Variants in CRPPA observed in about 807,000 individuals in gnomAD.
CRPPA encodes the protein CDP-L-ribitol pyrophosphorylase A, also known as D-ribitol-5-phosphate cytidylyltransferase.
Under a neutral mutation model 52.0 loss-of-function variants are expected in CRPPA, and 43 were observed. The ratio of observed to expected loss-of-function variants is 0.83; its 90% CI spans 0.65 to 1.07. CRPPA has a LOEUF of 1.07. Ranked by LOEUF, CRPPA falls within the 50% of genes least tolerant of loss-of-function variation. The pLI, the probability that CRPPA is intolerant of heterozygous loss-of-function variation, is 0.00. For missense variants in CRPPA, 629 were observed against 551.7 expected (o/e 1.14, Z -1.40); for synonymous variants, 250 against 203.5 (o/e 1.23, Z -1.94).
intron 4 of CRPPA, among the ~76,000 whole-genome samples, chr7:16,304,129 G>C (rs898570837): frequency 6.6e-6 from 1 of 152,124 alleles, no homozygotes; most frequent in African/African-American, 2.4e-5. Flanking sequence ...AGGGACTCAA[G>C]TTGTTATGCA....
At chr7:16,384,856 A>G (rs1787212290) in intron 2 of CRPPA, among the ~76,000 whole-genome samples, 1 of 152,202 alleles carries the variant, frequency 6.6e-6, no homozygotes, top group Admixed American at 6.5e-5. Flanking sequence ...AGAAGGCCCC[A>G]CCCATATATC....
intron 2 of CRPPA, among the ~76,000 whole-genome samples, chr7:16,391,740 T>G (rs961766312): frequency 6.6e-5 from 10 of 152,158 alleles, no homozygotes; most frequent in African/African-American, 2.4e-4. Context: ...CCCTAGAATG[T>G]TCACTCCATG....
At chr7:16,253,930 T>C (rs761617225) in intron 8 of CRPPA, among the ~76,000 whole-genome samples, 3 of 151,836 alleles carry the variant, frequency 2.0e-5, no homozygotes, top group Non-Finnish European at 2.9e-5. Flanking sequence ...GGGCAAAGGA[T>C]AGGTACAGAC....
At chr7:16,209,864 A>T (rs1782083110) in intron 9 of CRPPA, among the ~76,000 whole-genome samples, 1 of 152,188 alleles carries the variant, frequency 6.6e-6, no homozygotes, top group African/African-American at 2.4e-5. Context: ...GTAACTTGAG[A>T]ATGGCCACAA....
intron 3 of CRPPA, among the ~76,000 whole-genome samples, chr7:16,373,961 G>C (rs1786814985): frequency 6.6e-6 from 1 of 152,136 alleles, no homozygotes; most frequent in African/African-American, 2.4e-5. Flanking sequence ...AGCTTGCAGT[G>C]AGTTTCTTCT....
chr7:16,256,806 T>A (rs1201900570), intron 8 of CRPPA, among the ~76,000 whole-genome samples: 4 of 152,092 alleles, frequency 2.6e-5, no homozygotes, highest in Non-Finnish European at 5.9e-5. Context: ...GAGAAATACC[T>A]AATGTAAATG....
intron 9 of CRPPA, among the ~76,000 whole-genome samples, chr7:16,096,984 A>C (rs560970679): frequency 3.0e-4 from 46 of 152,162 alleles, no homozygotes; most frequent in Non-Finnish European, 5.3e-4. Flanking sequence ...AGGAAAAACA[A>C]ATTATTTTAA....
At chr7:16,284,609 A>G (rs1476278916) in intron 5 of CRPPA, among the ~76,000 whole-genome samples, 2 of 152,102 alleles carry the variant, frequency 1.3e-5, no homozygotes, top group South Asian at 2.1e-4. Flanking sequence ...TTCAAATTTC[A>G]CCAAACGTGC....
intron 4 of CRPPA, among the ~76,000 whole-genome samples, chr7:16,304,360 A>G (rs931387405): frequency 6.6e-6 from 1 of 152,108 alleles, no homozygotes; most frequent in African/African-American, 2.4e-5. Flanking sequence ...ACCCCAGAAG[A>G]GCTAGCACAG....
chr7:16,376,228 A>G lies in CRPPA; in HGVS notation c.548T>C (p.Ile183Thr), dbSNP rs776266588. ...AAKEHGAAGAIRPLVSTVVSP... is the reference protein window; with the variant it reads ...AAKEHGAAGATRPLVSTVVSP... ...GACGACAGTAGATACAAGAGGTCGA[A>G]TGGCTCCTGCTGCCTGAAGAACAAA... Residue 183 changes from isoleucine (I) to threonine (T), a missense_variant, in exon 3 of 10, where the codon ATT (isoleucine) becomes ACT (threonine). Coordinates refer to ENST00000407010, the MANE Select transcript of CRPPA (RefSeq NM_001101426.4). 2 of 1,607,286 alleles carry G rather than the reference A, an allele frequency of 1.2e-6. No homozygotes were observed. The highest frequency in any genetic ancestry group is 1.7e-6 in the Non-Finnish European group (2 of 1,177,258).
At chr7:16,202,965 A>T (rs1220885569) in intron 9 of CRPPA, among the ~76,000 whole-genome samples, 1 of 152,092 alleles carries the variant, frequency 6.6e-6, no homozygotes, top group Non-Finnish European at 1.5e-5. Flanking sequence ...ACTATTAGTT[A>T]TTTTTATTAA....
At position 16,167,747 on chromosome 7, in the gene CRPPA, C is replaced by T. The variant is rs532699047; in HGVS notation, c.1251+48319G>A. 7.9e-5 allele frequency among the ~76,000 whole-genome samples: 12 copies of T among 152,298 alleles called. 1 individual carries two copies. The highest frequency in any genetic ancestry group is 6.8e-3 in the Middle Eastern group (2 of 294). On this transcript the variant is annotated intron_variant, in intron 9 of 9. Transcript: ENST00000407010. ...TTCTTTGAATGTATTATGCATACTC[C>T]GCCTCAGGGCTCTTCCCTCTGCCTA... is the stretch of plus-strand genomic sequence containing the variant.
intron 9 of CRPPA, among the ~76,000 whole-genome samples, chr7:16,207,365 A>C (rs1781998105): frequency 6.6e-6 from 1 of 152,218 alleles, no homozygotes. Flanking sequence ...CTTTAAAATT[A>C]GGTTGACTTC....
intron 9 of CRPPA, among the ~76,000 whole-genome samples, chr7:16,097,471 C>G (rs1781958298): frequency 6.6e-6 from 1 of 152,118 alleles, no homozygotes; most frequent in South Asian, 2.1e-4. Context: ...CCTATAATTT[C>G]AAGTTTAGGA....
chr7:16,109,264 G>C (rs1409109292), intron 9 of CRPPA, among the ~76,000 whole-genome samples: 1 of 151,802 alleles, frequency 6.6e-6, no homozygotes, highest in Non-Finnish European at 1.5e-5. Context: ...CAAAGGGTAA[G>C]AGACTACCTC....
At chr7:16,311,112 T>A (rs901716632) in intron 3 of CRPPA, among the ~76,000 whole-genome samples, 1 of 152,110 alleles carries the variant, frequency 6.6e-6, no homozygotes, top group Non-Finnish European at 1.5e-5. Context: ...ATACACGACC[T>A]CTCCTACTAT....
chr7:16,197,673 G>A (rs1012504754), intron 9 of CRPPA, among the ~76,000 whole-genome samples: 5 of 151,098 alleles, frequency 3.3e-5, no homozygotes, highest in African/African-American at 1.2e-4. Context: ...AAGAACTGTA[G>A]AACTTCCAAC....
intron 3 of CRPPA, among the ~76,000 whole-genome samples, chr7:16,327,022 T>C (rs1242300213): frequency 6.6e-6 from 1 of 152,178 alleles, no homozygotes; most frequent in Non-Finnish European, 1.5e-5. Flanking sequence ...CAGTGAAAAT[T>C]AGTGTCTGGA....
intron 3 of CRPPA, among the ~76,000 whole-genome samples, chr7:16,337,109 T>C (rs1030541745): frequency 2.0e-5 from 3 of 152,132 alleles, no homozygotes; most frequent in Non-Finnish European, 4.4e-5. Context: ...ACTTTAATTA[T>C]ACTTTAGATC....
Sources: allele counts gnomAD v4.1 joint callset (sites outside exome capture counted in the v4.1 genomes callset), GRCh38; gene constraint gnomAD v4.1.1; transcripts MANE v1.5; gene names NCBI Gene and HGNC (gene_info 2026-07-23, HGNC 2026-07-21).